ATP11A: variants seen among roughly 807,000 people sequenced by gnomAD.
The protein encoded by ATP11A is phospholipid-transporting ATPase IH.
In ATP11A, 81 loss-of-function variants were observed where a neutral mutation model predicts 154.4. The observed-to-expected ratio is 0.52, with a 90% CI of 0.44 to 0.63. The LOEUF (loss-of-function observed/expected upper bound fraction) is 0.63. ATP11A is among the 30% of genes least tolerant of loss of function. The probability of loss-of-function intolerance (pLI) is 0.00; values close to 1 mark genes in which losing one functional copy is unlikely to be tolerated. For synonymous variants in ATP11A, 623 were observed against 585.9 expected, an observed-to-expected ratio of 1.06 and a Z score of -0.91; for missense variants, 1,316 against 1,474.3, an observed-to-expected ratio of 0.89 and a Z score of 1.76.
chr13:112,782,801 G>A lies in ATP11A; in HGVS notation c.40-2334G>A, dbSNP rs535540763. Among the ~76,000 whole-genome samples, 15 of 152,322 alleles carry A rather than the reference G, an allele frequency of 9.8e-5. No homozygotes were observed. In the South Asian group the frequency reaches 2.9e-3, roughly 29 times the overall value. ...ATGACGGTTACTGCATGGCCAGCAG[G>A]CTCGCGGGGAGGCCACGACCCAAGG... On this transcript the variant is annotated intron_variant, in intron 1 of 29. Transcript: ENST00000375645.
At chr13:112,781,543 CGG>C (rs2077499209) in intron 1 of ATP11A, among the ~76,000 whole-genome samples, 3 of 152,102 alleles carry the variant, frequency 2.0e-5, no homozygotes, top group Non-Finnish European at 4.4e-5. Context: ...CAACATTTGA[CGG>C]ACGCGTGGTG....
At position 112,875,966 on chromosome 13, in the gene ATP11A, G is replaced by A. The variant is rs371007692; in HGVS notation, c.3327+25G>A. ...GGTACGGAGTGTCCCCAGCCGGGGC[G>A]GGGGTGCCTCAGGGCCCTGGCCTTA... On this transcript the variant is annotated intron_variant, in intron 28 of 29. Transcript: ENST00000375645. This position sits in a 1 kb window ranked among gnomAD's most constrained non-coding sequence, Gnocchi z 4.1. The A allele has an allele frequency of 3.9e-5, 63 of 1,596,224 alleles. No homozygotes were observed. The highest frequency in any genetic ancestry group is 2.0e-4 in the Middle Eastern group (1 of 5,012).
intron 1 of ATP11A, among the ~76,000 whole-genome samples, chr13:112,716,262 G>A (rs1317242219): frequency 2.0e-5 from 3 of 152,218 alleles, no homozygotes; most frequent in Non-Finnish European, 2.9e-5. Context: ...GTGGGAAGTG[G>A]GGGCTTTAGC....
Position 112,818,349 on chromosome 13 carries a change from G to A in ATP11A, c.571-955G>A, listed in dbSNP as rs181928088. Reference sequence around the variant, plus strand: ...GGTGACCGTTGGTGCGCTTGGTGACGGAACGGTGATCATTTGTGTGCTTGG... The same window carrying A: ...GGTGACCGTTGGTGCGCTTGGTGACAGAACGGTGATCATTTGTGTGCTTGG... On this transcript the variant is annotated intron_variant, in intron 6 of 29. Transcript: ENST00000375645. Among the ~76,000 whole-genome samples, 36 of 151,960 alleles carry A rather than the reference G, an allele frequency of 2.4e-4. No individual in the cohort carries two copies. The East Asian group carries it at 3.9e-3, about 16-fold the overall frequency.
At chr13:112,769,267 C>G (rs927434983) in intron 1 of ATP11A, among the ~76,000 whole-genome samples, 1 of 152,222 alleles carries the variant, frequency 6.6e-6, no homozygotes, top group South Asian at 2.1e-4. Context: ...CAGGACCTCC[C>G]GGCCCCACGG....
chr13:112,735,621 GTTGCATTGTGTAGAGGA>G (rs1890918198), intron 1 of ATP11A, among the ~76,000 whole-genome samples: 1 of 152,142 alleles, frequency 6.6e-6, no homozygotes, highest in South Asian at 2.1e-4. Context: ...TTCTGTTTTG[GTTGCATTGTGTAGAGGA>G]AACCTTCACT....
chr13:112,832,811 T>C, intron 13 of ATP11A, 49 bp from the exon 14 acceptor site: 1 of 1,591,058 alleles, frequency 6.3e-7, no homozygotes, highest in Non-Finnish European at 8.6e-7. Context: ...CCCTCTATCT[T>C]CAGTGGACGC....
chr13:112,756,506 GT>G (rs1460129300), intron 1 of ATP11A, among the ~76,000 whole-genome samples: 32 of 152,180 alleles, frequency 2.1e-4, no homozygotes, highest in Admixed American at 2.1e-3. Flanking sequence ...CGCTCTCTTG[GT>G]AACAGGGTCC....
rs766003207 is a variant in ATP11A at position 112,810,622 on chromosome 13, T to G, written c.337T>G (p.Tyr113Asp). The change falls in exon 5 of 30, where the codon TAT (tyrosine) becomes GAT (aspartate). Residue 113 changes from tyrosine (Y) to aspartate (D), a missense_variant. Physicochemically the swap from Tyr to Asp is radical, Grantham distance 160. Around this residue, in one of 5 missense-constraint regions of ATP11A, gnomAD observed 876 missense variants for 1,006.8 expected, o/e 0.87. Coordinates refer to ENST00000375645, the MANE Select transcript of ATP11A (RefSeq NM_015205.3). ...VITVTAIKQG[Y>D]EDWLRHKADN... Reference sequence around the variant, plus strand: ...CTTCTTTCCTTCCTTTTTTTAGGGTTATGAAGACTGGCTTCGACATAAAGC... The same window carrying G: ...CTTCTTTCCTTCCTTTTTTTAGGGTGATGAAGACTGGCTTCGACATAAAGC... 2 of 1,613,824 alleles carry G rather than the reference T, an allele frequency of 1.2e-6. No homozygotes were observed. Among genetic ancestry groups the G allele is most frequent in the Non-Finnish European group, 1.7e-6 (2 of 1,179,778 alleles).
intron 8 of ATP11A, among the ~76,000 whole-genome samples, chr13:112,820,330 A>C (rs2140201932): frequency 6.6e-6 from 1 of 152,262 alleles, no homozygotes; most frequent in Non-Finnish European, 1.5e-5. Flanking sequence ...AAAGACTTCT[A>C]ATTTGGAGGC....
chr13:112,794,059 C>T lies in ATP11A; in HGVS notation c.162+8802C>T, dbSNP rs1036296. On this transcript the variant is annotated intron_variant, in intron 2 of 29. Transcript: ENST00000375645. ...TGAGAAACGAAAAGAATGACTGTCC[C>T]GTGTCATTCAGCAAAACACATGGTG... Among the ~76,000 whole-genome samples the T allele has an allele frequency of 3.5e-3, 529 of 152,270 alleles. 2 individuals carry two copies. The highest frequency in any genetic ancestry group is 0.012 in the African/African-American group (505 of 41,548).
intron 25 of ATP11A, among the ~76,000 whole-genome samples, chr13:112,869,606 C>A (rs559169003): frequency 6.6e-6 from 1 of 152,288 alleles, no homozygotes; most frequent in Admixed American, 6.5e-5. Context: ...CAAGGTGAGG[C>A]CTGGGGGAGG....
At chr13:112,863,705 G>C (rs2080209491) in intron 25 of ATP11A, among the ~76,000 whole-genome samples, 1 of 118,094 alleles carries the variant, frequency 8.5e-6, no homozygotes, top group Non-Finnish European at 1.7e-5. Flanking sequence ...GGCCTGCGCA[G>C]CTTCCCAGCG....
rs1013534858 is a variant in ATP11A at position 112,882,147 on chromosome 13, C to T, written c.*281C>T. On this transcript the variant is annotated 3_prime_UTR_variant, in exon 30 of 30. Coordinates refer to ENST00000375645, the MANE Select transcript of ATP11A (RefSeq NM_015205.3). The surrounding 1 kb of genome is among the most constrained non-coding windows in gnomAD (Gnocchi z 5.1). ...CAAGGAGGGGGGTCACAGGCCTTGC[C>T]CTCGAGCATGGCACCCTGGCCGCCT... 1.2e-4 allele frequency: 152 copies of T among 1,312,036 alleles called. No individual in the cohort carries two copies. The highest frequency in any genetic ancestry group is 1.4e-4 in the Non-Finnish European group (144 of 995,764). 81.3% of individuals were successfully genotyped at this position (1,312,036 alleles called of 1,614,324 possible).
chr13:112,699,665 A>G (rs867736457), intron 1 of ATP11A, among the ~76,000 whole-genome samples: 6 of 152,220 alleles, frequency 3.9e-5, no homozygotes, highest in South Asian at 2.1e-4. Flanking sequence ...GAAGGAGCAC[A>G]TTTCACAGAT....
intron 1 of ATP11A, among the ~76,000 whole-genome samples, chr13:112,765,146 C>T (rs659083): frequency 0.24 from 9,667 of 40,726 alleles, 413 homozygotes; most frequent in Middle Eastern, 0.46. Context: ...CTGGCTTGCC[C>T]CCCCTCCCCC....
At chr13:112,703,536 C>T (rs1886817152) in intron 1 of ATP11A, among the ~76,000 whole-genome samples, 1 of 152,294 alleles carries the variant, frequency 6.6e-6, no homozygotes, top group South Asian at 2.1e-4. Flanking sequence ...TACGCCTTGT[C>T]TGTTGCTTTA....
Position 112,838,005 on chromosome 13 carries a change from G to T in ATP11A, c.1705+1754G>T, listed in dbSNP as rs1394196673. On this transcript the variant is annotated intron_variant, in intron 16 of 29. Coordinates refer to ENST00000375645, the MANE Select transcript of ATP11A (RefSeq NM_015205.3). The surrounding 1 kb of genome is among the most constrained non-coding windows in gnomAD (Gnocchi z 7.3). ...CTGTGTCACACAGCATCACCTCTGA[G>T]ACACGCCATCAAATGTGGGATGAAT... Among the ~76,000 whole-genome samples, 1 of 152,104 alleles carries T rather than the reference G, an allele frequency of 6.6e-6. No homozygotes were observed. Among genetic ancestry groups the T allele is most frequent in the Non-Finnish European group, 1.5e-5 (1 of 68,014 alleles).
rs116092237 is a variant in ATP11A, at chr13:112,825,819, C to T, written c.1023+239C>T. On this transcript the variant is annotated intron_variant, in intron 11 of 29. Coordinates refer to ENST00000375645, the MANE Select transcript of ATP11A (RefSeq NM_015205.3). ...CACAGTGAAATCATCAGGACAATACCTTAAATACTTGCACTGTGTCCTTTG... is the reference window on the plus strand; with the variant it reads ...CACAGTGAAATCATCAGGACAATACTTTAAATACTTGCACTGTGTCCTTTG... Among the ~76,000 whole-genome samples the T allele has an allele frequency of 4.3e-3, 648 of 152,310 alleles. 11 individuals are homozygous for T. The highest frequency in any genetic ancestry group is 0.015 in the African/African-American group (627 of 41,560).
Sources: gnomAD v4.1 joint callset for allele counts (sites outside exome capture counted in the v4.1 genomes callset) on GRCh38, gnomAD v4.1.1 for gene constraint, gnomAD v4.1.1 regional missense constraint, Gnocchi (gnomAD v3.1) non-coding constraint, MANE v1.5 for transcripts, NCBI Gene and HGNC (gene_info 2026-07-23, HGNC 2026-07-21) for gene names.